Variants in MCUB observed in about 807,000 individuals in gnomAD.
MCUB encodes mitochondrial calcium uniporter dominant negative subunit beta, also known as calcium uniporter regulatory subunit MCUb, mitochondrial.
In MCUB, 46 loss-of-function variants were observed where a neutral mutation model predicts 41.4. That is an observed-to-expected ratio of 1.11 (90% CI 0.88 to 1.42). The LOEUF (loss-of-function observed/expected upper bound fraction) is 1.42, where lower values mean the gene tolerates loss of function less well. Ranked by LOEUF, MCUB falls within the 40% of genes most tolerant of loss-of-function variation. The pLI is 0.00. For missense variants in MCUB, 403 were observed against 404.9 expected, an observed-to-expected ratio of 1.00 and a Z score of 0.04; for synonymous variants, 148 against 148.2, an observed-to-expected ratio of 1.00 and a Z score of 0.01.
chr4:109,651,250 A>G (rs1013537095), intron 1 of MCUB, among the ~76,000 whole-genome samples: 2 of 152,170 alleles, frequency 1.3e-5, no homozygotes, highest in African/African-American at 4.8e-5. Context: ...ATTGTTCCAG[A>G]TTTTACCACA....
At chr4:109,604,658 A>G (rs955114923) in intron 1 of MCUB, among the ~76,000 whole-genome samples, 4 of 152,134 alleles carry the variant, frequency 2.6e-5, no homozygotes, top group African/African-American at 7.2e-5. Context: ...GGTCTGTTGT[A>G]TATGGCTTTT....
chr4:109,646,574 A>G (rs1456989970), intron 1 of MCUB, among the ~76,000 whole-genome samples: 1 of 152,208 alleles, frequency 6.6e-6, no homozygotes, highest in Non-Finnish European at 1.5e-5. Flanking sequence ...CCATTCATCT[A>G]CTTAAAACCT....
chr4:109,651,306 C>T (rs1561241159), intron 1 of MCUB, among the ~76,000 whole-genome samples: 1 of 152,150 alleles, frequency 6.6e-6, no homozygotes, highest in Non-Finnish European at 1.5e-5. Flanking sequence ...ATAAGTCTTC[C>T]ATCATCCATT....
At chr4:109,581,819 CCA>C (rs1727184449) in intron 1 of MCUB, among the ~76,000 whole-genome samples, 1 of 152,124 alleles carries the variant, frequency 6.6e-6, no homozygotes, top group African/African-American at 2.4e-5. Flanking sequence ...GAAATCAAAA[CCA>C]CAGTGAGATA....
At chr4:109,644,768 A>G (rs1474225538) in intron 1 of MCUB, among the ~76,000 whole-genome samples, 1 of 152,156 alleles carries the variant, frequency 6.6e-6, no homozygotes, top group East Asian at 1.9e-4. Context: ...GCTTCCAAAC[A>G]CCTTTACACA....
intron 1 of MCUB, among the ~76,000 whole-genome samples, chr4:109,587,085 G>GGCCT (rs1471499836): frequency 1.3e-5 from 2 of 152,256 alleles, no homozygotes; most frequent in Non-Finnish European, 2.9e-5. Flanking sequence ...AGAGGCAGCA[G>GGCCT]GCCTTGCTGA....
At chr4:109,635,376 G>T (rs1009767498) in intron 1 of MCUB, among the ~76,000 whole-genome samples, 1 of 152,176 alleles carries the variant, frequency 6.6e-6, no homozygotes, top group African/African-American at 2.4e-5. Context: ...TAGAAACTGG[G>T]TCCACCCAAA....
intron 1 of MCUB, among the ~76,000 whole-genome samples, chr4:109,636,662 C>T (rs750622511): frequency 3.3e-5 from 5 of 152,102 alleles, no homozygotes; most frequent in Non-Finnish European, 7.4e-5. Flanking sequence ...TGGCAAAACC[C>T]CATCTTTACT....
intron 1 of MCUB, among the ~76,000 whole-genome samples, chr4:109,618,960 CT>C: frequency 7.0e-6 from 1 of 142,434 alleles, no homozygotes; most frequent in South Asian, 2.2e-4. Context: ...ACTTCTCTCT[CT>C]CTCTCTCTCT....
chr4:109,605,931 G>A (rs1430405173), intron 1 of MCUB, among the ~76,000 whole-genome samples: 1 of 151,068 alleles, frequency 6.6e-6, no homozygotes, highest in African/African-American at 2.4e-5. Context: ...TATGTTTCTT[G>A]TAGGCAGTAG....
intron 1 of MCUB, among the ~76,000 whole-genome samples, chr4:109,589,296 A>T (rs1727378848): frequency 6.6e-6 from 1 of 152,206 alleles, no homozygotes; most frequent in South Asian, 2.1e-4. Flanking sequence ...GGCAAGGCAG[A>T]ACTAGTTTGA....
At chr4:109,643,523 A>C (rs998769044) in intron 1 of MCUB, among the ~76,000 whole-genome samples, 1 of 137,838 alleles carries the variant, frequency 7.3e-6, no homozygotes, top group Admixed American at 7.6e-5. Flanking sequence ...TATATTTTTG[A>C]GACAGAGTTC....
chr4:109,592,370 A>G (rs919388145), intron 1 of MCUB, among the ~76,000 whole-genome samples: 7 of 151,970 alleles, frequency 4.6e-5, no homozygotes, highest in African/African-American at 1.7e-4. Flanking sequence ...AGATCATGCC[A>G]CTGCATTCCA....
chr4:109,639,233 C>T (rs1339780370), intron 1 of MCUB, among the ~76,000 whole-genome samples: 1 of 152,142 alleles, frequency 6.6e-6, no homozygotes, highest in African/African-American at 2.4e-5. Context: ...CTCCTTGATC[C>T]ATGGGCTTCA....
Position 109,685,269 on chromosome 4 carries a change from G to C in MCUB, c.835G>C (p.Val279Leu), listed in dbSNP as rs1055357772. The change falls in exon 7 of 8, where the codon GTT becomes CTT. Residue 279 changes from valine to leucine, a missense_variant. Physicochemically the swap from Val to Leu is conservative, Grantham distance 32. Coordinates refer to ENST00000394650, the MANE Select transcript of MCUB (RefSeq NM_017918.5). The part of the protein sequence containing the change: ...VTRQDYTYSA[V>L]KSRQFLQFFH... The stretch of plus-strand genomic sequence containing the variant: ...TTTTAAGGATTATACTTACTCAGCT[G>C]TTAAGAGTAGGCAATTTCTTCAGTT... 4.1e-5 allele frequency: 60 copies of C among 1,476,092 alleles called. No homozygotes were observed. The highest frequency in any genetic ancestry group is 5.2e-5 in the Non-Finnish European group (55 of 1,056,736). The allele number at this position is 1,476,092 out of a possible 1,614,324, so 91.4% of individuals were successfully genotyped here. A position where few individuals can be genotyped will look rare whatever the true frequency, so the allele number is the denominator to read the frequency against.
At chr4:109,578,892 G>A (rs573357545) in intron 1 of MCUB, among the ~76,000 whole-genome samples, 1 of 152,250 alleles carries the variant, frequency 6.6e-6, no homozygotes, top group South Asian at 2.1e-4. Context: ...AATTCCTGGA[G>A]AACAAAAATG....
At chr4:109,615,535 T>C (rs993397643) in intron 1 of MCUB, among the ~76,000 whole-genome samples, 2 of 151,790 alleles carry the variant, frequency 1.3e-5, no homozygotes, top group Non-Finnish European at 2.9e-5. Context: ...GTCTCCCAAG[T>C]AGCTGGGACT....
rs750540003 is a variant in MCUB at position 109,627,818 on chromosome 4, CAGG to C, written c.100-31190_100-31188del. On this transcript the variant is annotated intron_variant, in intron 1 of 7. Transcript: ENST00000394650. ...ATCCCAGTTACTCGGGAAACTGAGTCAGGAGAATCAATTGAACCTGGGAGGTGG... is the reference window on the plus strand; with the variant it reads ...ATCCCAGTTACTCGGGAAACTGAGTCAGAATCAATTGAACCTGGGAGGTGG... Among the ~76,000 whole-genome samples the C allele has an allele frequency of 3.3e-5, 5 of 151,458 alleles. No individual in the cohort carries two copies. In the East Asian group the frequency reaches 5.8e-4, roughly 18 times the overall value.
intron 1 of MCUB, among the ~76,000 whole-genome samples, chr4:109,609,064 G>A (rs1458153832): frequency 9.2e-6 from 1 of 108,652 alleles, no homozygotes; most frequent in East Asian, 2.6e-4. Context: ...AGACAAATGG[G>A]ATCTCTCTCT....
Sources: gnomAD v4.1 joint callset for allele counts (sites outside exome capture counted in the v4.1 genomes callset) on GRCh38, gnomAD v4.1.1 for gene constraint, MANE v1.5 for transcripts, NCBI Gene and HGNC (gene_info 2026-07-23, HGNC 2026-07-21) for gene names.